SLC10A7: variants seen among roughly 807,000 people sequenced by gnomAD.
The protein encoded by SLC10A7 is solute carrier family 10 member 7.
SLC10A7 carries 29 observed loss-of-function variants against 43.2 expected under a neutral mutation model. That is an observed-to-expected ratio of 0.67 (90% CI 0.50 to 0.92). The LOEUF is 0.92. Among genes scored for constraint, SLC10A7 ranks in the 40% least tolerant of loss-of-function variants. SLC10A7 has a pLI of 0.00. For synonymous variants in SLC10A7, 152 were observed against 144.8 expected (o/e 1.05, Z -0.35); for missense variants, 295 against 403.2 (o/e 0.73, Z 2.30).
At chr4:146,519,586 A>G (rs1310849597) in intron 1 of SLC10A7, among the ~76,000 whole-genome samples, 7 of 152,078 alleles carry the variant, frequency 4.6e-5, no homozygotes, top group Non-Finnish European at 1.5e-5. Context: ...TTATCTTTAT[A>G]TTTGTTAGTG....
chr4:146,264,053 C>T (rs983754856), intron 10 of SLC10A7, among the ~76,000 whole-genome samples: 11 of 152,230 alleles, frequency 7.2e-5, no homozygotes, highest in African/African-American at 2.7e-4. Flanking sequence ...CAGCATATTC[C>T]ATAAGCAGAG....
At position 146,286,183 on chromosome 4, in the gene SLC10A7, G is replaced by C. The variant is rs1383239917; in HGVS notation, c.774-2918C>G. Among the ~76,000 whole-genome samples the C allele has an allele frequency of 3.3e-5, 5 of 151,912 alleles. No homozygotes were observed. The East Asian group carries it at 7.9e-4, about 24-fold the overall frequency. ...GGAGTGGTGAGAAGGACGGAGTTTG[G>C]AGTGGTGAGAAGGACCGTGTTTGGA... On this transcript the variant is annotated intron_variant, in intron 9 of 11. Coordinates refer to ENST00000335472, the MANE Select transcript of SLC10A7 (RefSeq NM_001029998.6).
chr4:146,265,702 T>A (rs1479174123), intron 10 of SLC10A7, among the ~76,000 whole-genome samples: 1 of 152,164 alleles, frequency 6.6e-6, no homozygotes, highest in East Asian at 1.9e-4. Context: ...GCTAAAGTAA[T>A]GTTTCCTATG....
intron 5 of SLC10A7, among the ~76,000 whole-genome samples, chr4:146,407,468 G>T (rs140973135): frequency 3.0e-4 from 45 of 152,234 alleles, no homozygotes; most frequent in African/African-American, 9.6e-4. Context: ...GCATTATGTT[G>T]TACAAAAGAT....
At chr4:146,499,188 C>T (rs984355532) in intron 4 of SLC10A7, among the ~76,000 whole-genome samples, 2 of 152,088 alleles carry the variant, frequency 1.3e-5, no homozygotes, top group African/African-American at 2.4e-5. Flanking sequence ...TGAAGGAAGA[C>T]GTTTTCATAC....
intron 4 of SLC10A7, among the ~76,000 whole-genome samples, chr4:146,490,643 A>G (rs1437996324): frequency 6.6e-6 from 1 of 152,210 alleles, no homozygotes; most frequent in Admixed American, 6.5e-5. Context: ...GAATCGGTAA[A>G]TGAGAAACAC....
intron 5 of SLC10A7, among the ~76,000 whole-genome samples, chr4:146,388,778 A>C (rs1395673405): frequency 6.6e-6 from 1 of 151,872 alleles, no homozygotes; most frequent in East Asian, 1.9e-4. Context: ...ACAACAAAAA[A>C]AAAAACCCTA....
intron 6 of SLC10A7, among the ~76,000 whole-genome samples, chr4:146,319,138 C>T (rs1346088077): frequency 6.6e-6 from 1 of 152,064 alleles, no homozygotes; most frequent in Non-Finnish European, 1.5e-5. Flanking sequence ...ATTAAAATTC[C>T]AAGTCCTTAC....
chr4:146,503,867 C>T lies in SLC10A7; in HGVS notation c.378G>A (p.Lys126=), dbSNP rs1736646438. The T allele has an allele frequency of 2.5e-6, 4 of 1,614,110 alleles. No individual in the cohort carries two copies. Among genetic ancestry groups the T allele is most frequent in the Non-Finnish European group, 2.5e-6 (3 of 1,179,980 alleles). The change falls in exon 4 of 12, where the codon AAG becomes AAA. Residue 126 remains lysine (K), a synonymous_variant. Coordinates refer to ENST00000335472, the MANE Select transcript of SLC10A7 (RefSeq NM_001029998.6). ...GACTCACCTCATTTCCACCAACTGC[C>T]TTGGTTAAAATCACTGCAGAAGACA... ...PPVSSAVILT[K]AVGGNEAAAI...
At chr4:146,439,269 T>C (rs928705780) in intron 5 of SLC10A7, among the ~76,000 whole-genome samples, 2 of 152,168 alleles carry the variant, frequency 1.3e-5, no homozygotes, top group South Asian at 4.1e-4. Flanking sequence ...AAAAACACTG[T>C]TTAAATTAGA....
At chr4:146,363,605 C>T (rs1736200450) in intron 5 of SLC10A7, among the ~76,000 whole-genome samples, 1 of 152,050 alleles carries the variant, frequency 6.6e-6, no homozygotes, top group African/African-American at 2.4e-5. Context: ...TGTGGTAGGC[C>T]ACAAACAAAT....
chr4:146,521,169 G>C (rs914416615), intron 1 of SLC10A7, among the ~76,000 whole-genome samples: 2 of 151,950 alleles, frequency 1.3e-5, no homozygotes, highest in African/African-American at 4.8e-5. Flanking sequence ...TAAAATCTGA[G>C]TTGGGGGCGG....
rs554880530 is a variant in SLC10A7 at position 146,446,778 on chromosome 4, A to G, written c.397-3957T>C. Among the ~76,000 whole-genome samples, 227 of 151,864 alleles carry G rather than the reference A, an allele frequency of 1.5e-3. 7 individuals are homozygous for G. The South Asian group carries it at 0.045, about 30-fold the overall frequency. On this transcript the variant is annotated intron_variant, in intron 4 of 11. Transcript: ENST00000335472. ...TATCTATCTATCTATCTATCTATCT[A>G]TCTATCTATCTATCTATTTATCTAT...
chr4:146,334,098 A>C (rs908759131), intron 5 of SLC10A7, among the ~76,000 whole-genome samples: 2 of 152,082 alleles, frequency 1.3e-5, no homozygotes, highest in Non-Finnish European at 2.9e-5. Flanking sequence ...ACAGGAGATC[A>C]TAGAGCCAAT....
At chr4:146,357,630 G>A (rs185748432) in intron 5 of SLC10A7, among the ~76,000 whole-genome samples, 1 of 152,186 alleles carries the variant, frequency 6.6e-6, no homozygotes, top group Non-Finnish European at 1.5e-5. Context: ...ATTGGTAAGC[G>A]CAACTTATTT....
At chr4:146,389,068 TCAGAAA>T (rs902251712) in intron 5 of SLC10A7, among the ~76,000 whole-genome samples, 1 of 152,032 alleles carries the variant, frequency 6.6e-6, no homozygotes. Flanking sequence ...GTGAAAGAAC[TCAGAAA>T]CAGAAAATCA....
chr4:146,455,633 T>C (rs1731978629), intron 4 of SLC10A7, among the ~76,000 whole-genome samples: 1 of 151,880 alleles, frequency 6.6e-6, no homozygotes, highest in Non-Finnish European at 1.5e-5. Context: ...TACCATCTTC[T>C]GGGAAATAAC....
At chr4:146,431,709 G>A (rs1327596813) in intron 5 of SLC10A7, among the ~76,000 whole-genome samples, 7 of 151,372 alleles carry the variant, frequency 4.6e-5, no homozygotes, top group Admixed American at 1.3e-4. Flanking sequence ...GAAAACATAG[G>A]AGAAAAATAT....
chr4:146,397,163 TATG>T (rs1738889754), intron 5 of SLC10A7, among the ~76,000 whole-genome samples: 1 of 152,178 alleles, frequency 6.6e-6, no homozygotes, highest in Non-Finnish European at 1.5e-5. Context: ...GAATCATATT[TATG>T]ATATTTACGA....
Sources: gnomAD v4.1 joint callset for allele counts (sites outside exome capture counted in the v4.1 genomes callset) on GRCh38, gnomAD v4.1.1 for gene constraint, MANE v1.5 for transcripts, NCBI Gene and HGNC (gene_info 2026-07-23, HGNC 2026-07-21) for gene names.